DOCK4: variants seen among roughly 807,000 people sequenced by gnomAD.
The protein encoded by DOCK4 is dedicator of cytokinesis protein 4.
Under a neutral mutation model 268.1 loss-of-function variants are expected in DOCK4, and 97 were observed. The ratio of observed to expected loss-of-function variants is 0.36; its 90% CI spans 0.31 to 0.43. DOCK4 has a LOEUF of 0.43. Ranked by LOEUF, DOCK4 falls within the 20% of genes least tolerant of loss-of-function variation. The pLI is 1.00. For missense variants in DOCK4, 2,145 were observed against 2,455.7 expected, an observed-to-expected ratio of 0.87 and a Z score of 2.67; for synonymous variants, 954 against 887.2, an observed-to-expected ratio of 1.08 and a Z score of -1.34.
At chr7:112,025,588 T>A (rs1464950429) in intron 1 of DOCK4, among the ~76,000 whole-genome samples, 2 of 151,982 alleles carry the variant, frequency 1.3e-5, no homozygotes, top group Non-Finnish European at 2.9e-5. Flanking sequence ...GGTGCCGGTA[T>A]GACCTATCCA....
chr7:112,099,159 G>A (rs1810433080), intron 1 of DOCK4, among the ~76,000 whole-genome samples: 1 of 152,032 alleles, frequency 6.6e-6, no homozygotes, highest in Admixed American at 6.6e-5. Context: ...GGGCTTGGTG[G>A]CACATGCCTG....
chr7:111,878,662 A>G (rs1179725594), intron 16 of DOCK4, among the ~76,000 whole-genome samples: 3 of 151,782 alleles, frequency 2.0e-5, no homozygotes, highest in Admixed American at 6.6e-5. Flanking sequence ...GCAAGTTTGT[A>G]GGATAATGCA....
At chr7:111,788,441 A>T (rs1799320024) in intron 32 of DOCK4, 2 of 556,554 alleles carry the variant, frequency 3.6e-6, no homozygotes, top group Non-Finnish European at 6.5e-6. Flanking sequence ...AACCTGTCCT[A>T]ATCAGAGATT....
chr7:112,184,041 C>T lies in DOCK4; in HGVS notation c.37+22061G>A, dbSNP rs543530402. Among the ~76,000 whole-genome samples, 8 of 152,290 alleles carry T rather than the reference C, an allele frequency of 5.3e-5. No individual in the cohort carries two copies. In the East Asian group the frequency reaches 1.5e-3, roughly 29 times the overall value. On this transcript the variant is annotated intron_variant, in intron 1 of 52. Transcript: ENST00000428084. ...CACACCACCTTGCCTCTCCTAGGAC[C>T]ATTATCAGTGACCCTTTCTCTGACT... is the stretch of plus-strand genomic sequence containing the variant.
chr7:111,961,663 G>A (rs11972858), intron 8 of DOCK4, among the ~76,000 whole-genome samples: 14,008 of 152,206 alleles, frequency 0.092, 889 homozygotes, highest in East Asian at 0.33. Context: ...ATCAAGGCTC[G>A]TGCTTCAAGG....
At chr7:112,092,622 A>T (rs1422824874) in intron 1 of DOCK4, among the ~76,000 whole-genome samples, 1 of 152,048 alleles carries the variant, frequency 6.6e-6, no homozygotes, top group Admixed American at 6.5e-5. Flanking sequence ...AAAAGAACTC[A>T]AGTGAAAAAC....
intron 35 of DOCK4, among the ~76,000 whole-genome samples, chr7:111,780,206 TCTGAGGA>T (rs1352344989): frequency 6.6e-6 from 1 of 152,342 alleles, no homozygotes; most frequent in African/African-American, 2.4e-5. Flanking sequence ...CATTCTTCAG[TCTGAGGA>T]CTCTTCTAAC....
Position 111,858,546 on chromosome 7 carries a change from C to A in DOCK4, c.2473+4826G>T, listed in dbSNP as rs192826549. On this transcript the variant is annotated intron_variant, in intron 23 of 52. Coordinates refer to ENST00000428084, the MANE Select transcript of DOCK4 (RefSeq NM_001363540.2). ...CGCTGAGTAATGGAGAATATGCTCC[C>A]TCTTCCTGATGGTCTTCGAGCTAGG... 5.1e-3 allele frequency among the ~76,000 whole-genome samples: 776 copies of A among 152,282 alleles called. 3 individuals carry two copies. The highest frequency in any genetic ancestry group is 8.5e-3 in the Non-Finnish European group (578 of 68,026).
chr7:112,160,571 T>G (rs77479312), intron 1 of DOCK4, among the ~76,000 whole-genome samples: 1 of 152,256 alleles, frequency 6.6e-6, no homozygotes, highest in East Asian at 1.9e-4. Flanking sequence ...ATCTATTTAG[T>G]AAATCAGCAA....
At chr7:111,783,449 T>C (rs1490181193) in intron 34 of DOCK4, among the ~76,000 whole-genome samples, 1 of 152,182 alleles carries the variant, frequency 6.6e-6, no homozygotes, top group African/African-American at 2.4e-5. Context: ...CCACGTCCCC[T>C]TTTTAAGAGA....
chr7:111,987,695 T>C (rs971071011), intron 6 of DOCK4, among the ~76,000 whole-genome samples: 2 of 152,178 alleles, frequency 1.3e-5, no homozygotes, highest in Non-Finnish European at 2.9e-5. Context: ...CCTTGTGCTT[T>C]TTCTAGTTCA....
chr7:111,822,172 T>A (rs1046896003), intron 27 of DOCK4, among the ~76,000 whole-genome samples, 190 bp downstream of exon 27: 1 of 152,188 alleles, frequency 6.6e-6, no homozygotes, highest in African/African-American at 2.4e-5. Context: ...ATTATGTTGT[T>A]CGATTTCTGA....
intron 16 of DOCK4, among the ~76,000 whole-genome samples, chr7:111,882,233 G>T (rs753361207): frequency 4.6e-5 from 7 of 151,954 alleles, no homozygotes; most frequent in Non-Finnish European, 8.8e-5. Flanking sequence ...TTAAAAATGA[G>T]AAAAATTGTA....
intron 8 of DOCK4, among the ~76,000 whole-genome samples, chr7:111,946,245 G>A (rs989892546): frequency 6.6e-6 from 1 of 152,086 alleles, no homozygotes; most frequent in Admixed American, 6.5e-5. Context: ...ATATTTTATG[G>A]TCTTATAAGT....
intron 5 of DOCK4, among the ~76,000 whole-genome samples, chr7:111,990,815 G>C (rs1799462918): frequency 6.6e-6 from 1 of 152,208 alleles, no homozygotes; most frequent in Admixed American, 6.5e-5. Flanking sequence ...CCCTGTGGCT[G>C]TAAGTGCCCA....
At chr7:111,787,330 C>T (rs761548178) in intron 32 of DOCK4, among the ~76,000 whole-genome samples, 1 of 152,104 alleles carries the variant, frequency 6.6e-6, no homozygotes, top group Non-Finnish European at 1.5e-5. Context: ...TATTATACTG[C>T]ATGAGATTTT....
At chr7:111,896,131 G>C (rs536351170) in intron 15 of DOCK4, among the ~76,000 whole-genome samples, 1 of 152,260 alleles carries the variant, frequency 6.6e-6, no homozygotes, top group East Asian at 1.9e-4. Context: ...GAAATGGTTT[G>C]TTTTGATTAC....
At chr7:112,163,743 G>C (rs369188727) in intron 1 of DOCK4, among the ~76,000 whole-genome samples, 47 of 152,240 alleles carry the variant, frequency 3.1e-4, no homozygotes, top group African/African-American at 1.1e-3. Flanking sequence ...GAGAGGTTAA[G>C]TAAATTGCCC....
rs374131755 is a variant in DOCK4, at chr7:111,760,970, C to T, written c.4021-648G>A. 5.3e-5 allele frequency among the ~76,000 whole-genome samples: 8 copies of T among 152,100 alleles called. No homozygotes were observed. The East Asian group carries it at 1.5e-3, about 29-fold the overall frequency. On this transcript the variant is annotated intron_variant, in intron 39 of 52. Coordinates refer to ENST00000428084, the MANE Select transcript of DOCK4 (RefSeq NM_001363540.2). ...TGAGCACAGTCATTGATGAAGCACA[C>T]TGCATGTCTTATTTAACTCATATAA...
Sources: gnomAD v4.1 joint callset for allele counts (sites outside exome capture counted in the v4.1 genomes callset) on GRCh38, gnomAD v4.1.1 for gene constraint, MANE v1.5 for transcripts, NCBI Gene and HGNC (gene_info 2026-07-23, HGNC 2026-07-21) for gene names.